Variants in ACTR3B observed in about 807,000 individuals in gnomAD.
ACTR3B encodes actin-related protein 3B.
A neutral mutation model predicts 59.0 loss-of-function variants in ACTR3B; 8 were observed. The observed-to-expected ratio is 0.14, with a 90% CI of 0.08 to 0.24. The LOEUF (loss-of-function observed/expected upper bound fraction) is 0.24, where lower values mean the gene tolerates loss of function less well. ACTR3B is among the 10% of genes least tolerant of loss of function. The probability of loss-of-function intolerance (pLI) is 1.00; values close to 1 mark genes in which losing one functional copy is unlikely to be tolerated. For synonymous variants in ACTR3B, 148 were observed against 197.9 expected, an observed-to-expected ratio of 0.75 and a Z score of 2.12; for missense variants, 245 against 552.3, an observed-to-expected ratio of 0.44 and a Z score of 5.58.
intron 9 of ACTR3B, among the ~76,000 whole-genome samples, chr7:152,850,243 A>G (rs977652293): frequency 6.6e-6 from 1 of 150,468 alleles, no homozygotes; most frequent in Non-Finnish European, 1.5e-5. Flanking sequence ...TCCAGATAGA[A>G]GTTCAGATCA....
chr7:152,830,341 TGCTCCAGCAGTCTG>T (rs1273538607), intron 9 of ACTR3B, among the ~76,000 whole-genome samples: 1 of 152,264 alleles, frequency 6.6e-6, no homozygotes, highest in Non-Finnish European at 1.5e-5. Context: ...ATCTTTAGCC[TGCTCCAGCAGTCTG>T]GGTCCAGCAG....
chr7:152,789,405 A>C (rs1174090814), intron 2 of ACTR3B, among the ~76,000 whole-genome samples: 1 of 150,304 alleles, frequency 6.7e-6, no homozygotes, highest in Non-Finnish European at 1.5e-5. Flanking sequence ...AACAAGCAAA[A>C]CCCCAAGACA....
At chr7:152,826,595 C>G (rs1315113408) in intron 9 of ACTR3B, among the ~76,000 whole-genome samples, 1 of 152,202 alleles carries the variant, frequency 6.6e-6, no homozygotes, top group East Asian at 1.9e-4. Context: ...CTTCCCACTT[C>G]AATCCCACCT....
rs537281380 is a variant in ACTR3B, at chr7:152,808,033, C to T, written c.336+6302C>T. Among the ~76,000 whole-genome samples, 453 of 152,300 alleles carry T rather than the reference C, an allele frequency of 3.0e-3. 3 individuals are homozygous for T. Among genetic ancestry groups the T allele is most frequent in the African/African-American group, 0.01 (424 of 41,566 alleles). On this transcript the variant is annotated intron_variant, in intron 4 of 11. Transcript: ENST00000256001. Reference sequence around the variant, plus strand: ...TCTGTCCCCGTTGAACACGAATTCTCTTTACTCCTTTACCTGCCCCTGGAA... The same window carrying T: ...TCTGTCCCCGTTGAACACGAATTCTTTTTACTCCTTTACCTGCCCCTGGAA...
chr7:152,809,266 G>A (rs1333327177), intron 4 of ACTR3B, among the ~76,000 whole-genome samples: 2 of 150,982 alleles, frequency 1.3e-5, no homozygotes, highest in African/African-American at 4.9e-5. Context: ...ACTTGGGGCA[G>A]TGTGTTTGAA....
intron 1 of ACTR3B, among the ~76,000 whole-genome samples, chr7:152,778,872 G>T (rs1415434756): frequency 2.3e-5 from 3 of 133,282 alleles, no homozygotes; most frequent in Admixed American, 9.2e-5. Context: ...GAGCCCAGGA[G>T]GTTGAGGCTG....
intron 2 of ACTR3B, among the ~76,000 whole-genome samples, chr7:152,792,420 G>A (rs2098199696): frequency 6.6e-6 from 1 of 151,324 alleles, no homozygotes; most frequent in African/African-American, 2.4e-5. Context: ...ACTTCCTTTA[G>A]CCATTCTTTT....
At chr7:152,836,768 TTTCTG>T (rs1663426804) in intron 9 of ACTR3B, among the ~76,000 whole-genome samples, 1 of 152,232 alleles carries the variant, frequency 6.6e-6, no homozygotes, top group African/African-American at 2.4e-5. Context: ...ATCTGCTTCT[TTTCTG>T]TAAGTAAAGG....
chr7:152,760,029 T>G (rs2098084231), intron 1 of ACTR3B, 103 bp downstream of exon 1: 2 of 1,102,138 alleles, frequency 1.8e-6, no homozygotes, highest in Non-Finnish European at 2.3e-6. Context: ...GCCCCGGGCT[T>G]GAGCCCCGCG....
At chr7:152,853,855 T>C (rs1292076431) in intron 11 of ACTR3B, among the ~76,000 whole-genome samples, 2 of 152,154 alleles carry the variant, frequency 1.3e-5, no homozygotes, top group African/African-American at 4.8e-5. Flanking sequence ...TAGCTGGGAC[T>C]ACAGGCGTTC....
chr7:152,825,042 G>T lies in ACTR3B; in HGVS notation c.871G>T (p.Asp291Tyr). The T allele has an allele frequency of 6.2e-7, 1 of 1,613,066 alleles. No homozygotes were observed. Among genetic ancestry groups the T allele is most frequent in the Non-Finnish European group, 8.5e-7 (1 of 1,179,530 alleles). Reference sequence around the variant, plus strand: ...ATACACAATTCAGTTTGCCAACCCAGACTTTATGGAGTCCATCTCAGATGT... The same window carrying T: ...ATACACAATTCAGTTTGCCAACCCATACTTTATGGAGTCCATCTCAGATGT... The part of the protein sequence containing the change: ...IFFHPEFANP[D>Y]FMESISDVVD... Residue 291 changes from aspartate to tyrosine, a missense_variant, in exon 9 of 12, where the codon GAC (aspartate) becomes TAC (tyrosine). By Grantham distance (160) the Asp-to-Tyr change is radical. Coordinates refer to ENST00000256001, the MANE Select transcript of ACTR3B (RefSeq NM_020445.6).
At chr7:152,831,290 C>T (rs1355325067) in intron 9 of ACTR3B, among the ~76,000 whole-genome samples, 1 of 152,206 alleles carries the variant, frequency 6.6e-6, no homozygotes, top group African/African-American at 2.4e-5. Flanking sequence ...GTGGCAACAT[C>T]GAGTAATGTC....
chr7:152,837,298 A>C (rs1797541997), intron 9 of ACTR3B, among the ~76,000 whole-genome samples: 1 of 152,258 alleles, frequency 6.6e-6, no homozygotes, highest in Non-Finnish European at 1.5e-5. Context: ...AGTTGGAAAG[A>C]ATACATTTAT....
intron 1 of ACTR3B, among the ~76,000 whole-genome samples, chr7:152,779,851 T>G (rs2689493): frequency 6.6e-6 from 1 of 152,232 alleles, no homozygotes. Context: ...TCTCAGATTT[T>G]GTTTGATGTT....
intron 1 of ACTR3B, among the ~76,000 whole-genome samples, chr7:152,772,895 G>A (rs1227024824): frequency 8.6e-5 from 13 of 151,972 alleles, no homozygotes; most frequent in Non-Finnish European, 1.5e-4. Flanking sequence ...ACAATATCAT[G>A]GGGGATTAGG....
chr7:152,822,381 C>T (rs1330651042), intron 7 of ACTR3B, among the ~76,000 whole-genome samples: 2 of 152,142 alleles, frequency 1.3e-5, no homozygotes, highest in Non-Finnish European at 2.9e-5. Context: ...ATGCGGAGGC[C>T]AGCTCTAAGG....
At chr7:152,849,557 T>C (rs1798631373) in intron 9 of ACTR3B, among the ~76,000 whole-genome samples, 1 of 152,252 alleles carries the variant, frequency 6.6e-6, no homozygotes, top group African/African-American at 2.4e-5. Flanking sequence ...AACCTTTTGG[T>C]GTCCCTGGGC....
intron 2 of ACTR3B, among the ~76,000 whole-genome samples, chr7:152,789,341 G>T: frequency 6.7e-6 from 1 of 149,152 alleles, no homozygotes; most frequent in Non-Finnish European, 1.5e-5. Context: ...GGAGTGAGTT[G>T]TGATTGTGCC....
chr7:152,765,828 A>G (rs1217317039), intron 1 of ACTR3B, among the ~76,000 whole-genome samples: 6 of 152,080 alleles, frequency 3.9e-5, no homozygotes, highest in African/African-American at 7.2e-5. Context: ...TGGAGGCTGC[A>G]GAGTCTTAGA....
Sources: gnomAD v4.1 joint callset for allele counts (sites outside exome capture counted in the v4.1 genomes callset) on GRCh38, gnomAD v4.1.1 for gene constraint, MANE v1.5 for transcripts, NCBI Gene and HGNC (gene_info 2026-07-23, HGNC 2026-07-21) for gene names.